Variants in TUBGCP5 observed in about 807,000 individuals in gnomAD.
The protein encoded by TUBGCP5 is tubulin gamma complex component 5, also known as gamma-tubulin complex component 5.
Under a neutral mutation model 134.7 loss-of-function variants are expected in TUBGCP5, and 98 were observed. The observed-to-expected ratio is 0.73, with a 90% CI of 0.62 to 0.86. The LOEUF is 0.86. Ranked by LOEUF, TUBGCP5 falls within the 40% of genes least tolerant of loss-of-function variation. TUBGCP5 has a pLI of 0.00. For missense variants in TUBGCP5, 1,150 were observed against 1,244.8 expected (o/e 0.92, Z 1.15); for synonymous variants, 456 against 431.4 (o/e 1.06, Z -0.71).
downstream of TUBGCP5, among the ~76,000 whole-genome samples, chr15:22,995,374 AC>A (rs1341033678): frequency 6.6e-6 from 1 of 152,052 alleles, no homozygotes; most frequent in Non-Finnish European, 1.5e-5. Context: ...GTTGGGAAGC[AC>A]CATACTGGTG....
chr15:23,012,097 T>C (rs2065067219), intron 13 of TUBGCP5, among the ~76,000 whole-genome samples: 1 of 122,580 alleles, frequency 8.2e-6, no homozygotes, highest in South Asian at 2.5e-4. Context: ...GTTTGGGCAA[T>C]AGGAGTGAAA....
At chr15:23,022,914 A>G (rs768586805) in intron 10 of TUBGCP5, among the ~76,000 whole-genome samples, 1 of 152,200 alleles carries the variant, frequency 6.6e-6, no homozygotes, top group Non-Finnish European at 1.5e-5. Context: ...GTGAAGACCA[A>G]AACGTCTGGT....
At chr15:22,988,381 GCCCT>G (rs1418857387) in intron 23 of TUBGCP5, among the ~76,000 whole-genome samples, 1 of 151,912 alleles carries the variant, frequency 6.6e-6, no homozygotes, top group Non-Finnish European at 1.5e-5. Context: ...TGGAGGCAAG[GCCCT>G]ATTGCTGCCT....
chr15:23,013,402 C>T lies in TUBGCP5; in HGVS notation c.1757-2071G>A, dbSNP rs149841481. ...CGAAGTTCGCAGTGAGCCGAGATCG[C>T]GCCGCTGCACTCCAGCCTGGGCGAC... On this transcript the variant is annotated intron_variant, in intron 13 of 22. Coordinates refer to ENST00000615383, the MANE Select transcript of TUBGCP5 (RefSeq NM_052903.6). This position sits in a 1 kb window ranked among gnomAD's most constrained non-coding sequence, Gnocchi z 4.5. 3.5e-3 allele frequency among the ~76,000 whole-genome samples: 534 copies of T among 151,800 alleles called. 25 individuals carry two copies. In the East Asian group the frequency reaches 0.084, roughly 24 times the overall value.
chr15:23,023,434 CA>C (rs1470417905), intron 10 of TUBGCP5: 2 of 154,496 alleles, frequency 1.3e-5, no homozygotes, highest in Non-Finnish European at 2.9e-5. Context: ...CTGGCAATAG[CA>C]AAAGCCTGGG....
intron 13 of TUBGCP5, among the ~76,000 whole-genome samples, chr15:23,017,254 G>A (rs1005155867): frequency 1.3e-5 from 2 of 151,960 alleles, no homozygotes; most frequent in Non-Finnish European, 2.9e-5. Context: ...CTAGTGCTCT[G>A]TATCACTATG....
At position 23,039,534 on chromosome 15, in the gene TUBGCP5, G is replaced by T; in HGVS notation, c.10C>A (p.His4Asn). Residue 4 changes from histidine to asparagine, a missense_variant, in exon 1 of 23, where the codon CAC (histidine) becomes AAC (asparagine). By Grantham distance (68) the His-to-Asn change is moderately conservative (BLOSUM62 1). This residue lies in a region of TUBGCP5 where 453 missense variants were observed against 394.7 expected (regional missense o/e 1.15). Coordinates refer to ENST00000615383, the MANE Select transcript of TUBGCP5 (RefSeq NM_052903.6). MAR[H>N]GPPWSRLDAQ... is the part of the protein sequence containing the mutation. ...TCCAACCGACTCCACGGTGGCCCGT[G>T]CCGCGCCATGTTCCGCGCTCCTGCA... The T allele has an allele frequency of 6.8e-7, 1 of 1,475,750 alleles. No homozygotes were observed. The highest frequency in any genetic ancestry group is 9.1e-7 in the Non-Finnish European group (1 of 1,101,066). 91.4% of individuals were successfully genotyped at this position (1,475,750 alleles called of 1,614,324 possible). A position where few individuals can be genotyped will look rare whatever the true frequency, so the allele number is the denominator to read the frequency against.
chr15:23,031,573 C>T (rs2066316470), intron 5 of TUBGCP5, among the ~76,000 whole-genome samples: 4 of 152,102 alleles, frequency 2.6e-5, no homozygotes, highest in Admixed American at 2.0e-4. Context: ...CTACCTCAGC[C>T]TCCCACAATG....
chr15:23,006,179 A>C lies in TUBGCP5; in HGVS notation c.2413-7T>G, dbSNP rs2064702644. The C allele has an allele frequency of 6.2e-7, 1 of 1,608,112 alleles. No individual in the cohort carries two copies. The highest frequency in any genetic ancestry group is 1.3e-5 in the African/African-American group (1 of 74,712). On this transcript the variant is annotated splice_polypyrimidine_tract_variant and splice_region_variant and intron_variant, in intron 17 of 22. Coordinates refer to ENST00000615383, the MANE Select transcript of TUBGCP5 (RefSeq NM_052903.6). Reference sequence around the variant, plus strand: ...TGTCCACGGGCCATGGGACCTATGAAACAAAAACAAAATTAGAAAGTAACC... The same window carrying C: ...TGTCCACGGGCCATGGGACCTATGACACAAAAACAAAATTAGAAAGTAACC...
At chr15:22,992,679 T>G (rs1009311566) in intron 23 of TUBGCP5, among the ~76,000 whole-genome samples, 5 of 152,016 alleles carry the variant, frequency 3.3e-5, no homozygotes, top group African/African-American at 1.2e-4. Flanking sequence ...TTCTTAGACT[T>G]TGGACTTTGA....
chr15:23,034,609 C>G lies in TUBGCP5; in HGVS notation c.310-1785G>C, dbSNP rs181853037. On this transcript the variant is annotated intron_variant, in intron 3 of 22. Coordinates refer to ENST00000615383, the MANE Select transcript of TUBGCP5 (RefSeq NM_052903.6). ...CCGGGGTGGCTCACGCCTGTAATCCCAGCACTTTTGGAACCAAGGTGGGCA... is the reference window on the plus strand; with the variant it reads ...CCGGGGTGGCTCACGCCTGTAATCCGAGCACTTTTGGAACCAAGGTGGGCA... 1.9e-3 allele frequency among the ~76,000 whole-genome samples: 285 copies of G among 152,238 alleles called. 5 individuals carry two copies. In the East Asian group the frequency reaches 0.024, roughly 13 times the overall value.
Position 23,039,528 on chromosome 15 carries a change from G to A in TUBGCP5, c.16C>T (p.Pro6Ser). Reference protein sequence around the residue: MARHGPPWSRLDAQQE... With the variant: MARHGSPWSRLDAQQE... ...TGCGCGTCCAACCGACTCCACGGTGGCCCGTGCCGCGCCATGTTCCGCGCT... is the reference window on the plus strand; with the variant it reads ...TGCGCGTCCAACCGACTCCACGGTGACCCGTGCCGCGCCATGTTCCGCGCT... The change falls in exon 1 of 23, where the codon CCA (proline) becomes TCA (serine). Residue 6 changes from proline (P) to serine (S), a missense_variant. Physicochemically the swap from Pro to Ser is moderately conservative, Grantham distance 74. Around this residue, in one of 2 missense-constraint regions of TUBGCP5, gnomAD observed 453 missense variants for 394.7 expected, o/e 1.15. Coordinates refer to ENST00000615383, the MANE Select transcript of TUBGCP5 (RefSeq NM_052903.6). 2.7e-6 allele frequency: 4 copies of A among 1,484,688 alleles called. No homozygotes were observed. Among genetic ancestry groups the A allele is most frequent in the Non-Finnish European group, 3.6e-6 (4 of 1,106,646 alleles). 92.0% of individuals were successfully genotyped at this position (1,484,688 alleles called of 1,614,324 possible). A position where few individuals can be genotyped will look rare whatever the true frequency, so the allele number is the denominator to read the frequency against.
At chr15:23,022,231 T>G in intron 10 of TUBGCP5, 70 bp from the exon 11 acceptor site, 1 of 1,522,760 alleles carries the variant, frequency 6.6e-7, no homozygotes, top group Non-Finnish European at 9.1e-7. Context: ...ACATAAATGC[T>G]GGCAAATCAT....
In TUBGCP5 at chr15:22,999,869, G is replaced by A; in HGVS notation, c.3029-3C>T. ...GAGTGACAACGCTAGAGATTCCACTGTGGGAAGAATAAAAATAAGGTTAAA... is the reference window on the plus strand; with the variant it reads ...GAGTGACAACGCTAGAGATTCCACTATGGGAAGAATAAAAATAAGGTTAAA... On this transcript the variant is annotated splice_polypyrimidine_tract_variant and splice_region_variant and intron_variant, in intron 22 of 22. Transcript: ENST00000615383. The A allele has an allele frequency of 1.9e-6, 3 of 1,613,680 alleles. No homozygotes were observed. Among genetic ancestry groups the A allele is most frequent in the Non-Finnish European group, 1.7e-6 (2 of 1,179,746 alleles).
chr15:22,995,565 G>C (rs1404903662), downstream of TUBGCP5, among the ~76,000 whole-genome samples: 1 of 133,910 alleles, frequency 7.5e-6, no homozygotes, highest in Non-Finnish European at 1.5e-5. Context: ...ACAAAGCAAG[G>C]CTCCGTCTCA....
chr15:23,016,025 T>A (rs1012869169), intron 13 of TUBGCP5, among the ~76,000 whole-genome samples: 13 of 151,892 alleles, frequency 8.6e-5, no homozygotes, highest in Non-Finnish European at 7.4e-5. Flanking sequence ...ATATAGGAAA[T>A]GCCGGAAAAA....
At chr15:23,028,038 TATGAGGCTAATGTAACAGTG>T (rs2140617587) in intron 6 of TUBGCP5, among the ~76,000 whole-genome samples, 1 of 152,176 alleles carries the variant, frequency 6.6e-6, no homozygotes, top group African/African-American at 2.4e-5. Flanking sequence ...CCTAACATTT[TATGAGGCTAATGTAACAGTG>T]ATGCTTTAAA....
At chr15:23,019,417 CT>C (rs1312409714) in intron 11 of TUBGCP5, 83 bp from the exon 12 acceptor site, 7 of 858,134 alleles carry the variant, frequency 8.2e-6, no homozygotes, top group Non-Finnish European at 1.3e-5. Flanking sequence ...TCTGAAATGC[CT>C]TTAAAAAAGT....
chr15:23,011,881 T>C (rs187118126), intron 13 of TUBGCP5, among the ~76,000 whole-genome samples: 2,988 of 150,160 alleles, frequency 0.02, 55 homozygotes, highest in Non-Finnish European at 0.028. Flanking sequence ...TTTGGGAGGC[T>C]GAGGCGGGTG....
Sources: gnomAD v4.1 joint callset for allele counts (sites outside exome capture counted in the v4.1 genomes callset) on GRCh38, gnomAD v4.1.1 for gene constraint, gnomAD v4.1.1 regional missense constraint, Gnocchi (gnomAD v3.1) non-coding constraint, MANE v1.5 for transcripts, NCBI Gene and HGNC (gene_info 2026-07-23, HGNC 2026-07-21) for gene names.